Variants in OPRD1 observed in about 807,000 individuals in gnomAD.
OPRD1 encodes delta-type opioid receptor.
OPRD1 carries 19 observed loss-of-function variants against 17.5 expected under a neutral mutation model. The observed-to-expected ratio is 1.09, with a 90% CI of 0.76 to 1.60. OPRD1 has a LOEUF of 1.60. Ranked by LOEUF, OPRD1 falls within the 40% of genes most tolerant of loss-of-function variation. The pLI, the probability that OPRD1 is intolerant of heterozygous loss-of-function variation, is 0.00. For missense variants in OPRD1, 483 were observed against 547.2 expected (o/e 0.88, Z 1.17); for synonymous variants, 256 against 240.9 (o/e 1.06, Z -0.58).
intron 1 of OPRD1, among the ~76,000 whole-genome samples, chr1:28,831,923 G>C (rs1485885392): frequency 6.6e-6 from 1 of 152,182 alleles, no homozygotes. Flanking sequence ...ATTTAATTCA[G>C]CCAGCTCTAT....
At position 28,812,598 on chromosome 1, in the gene OPRD1, T is replaced by C. The variant is rs1234669122; in HGVS notation, c.215T>C (p.Phe72Ser). ...VGLLGNVLVM[F>S]GIVRYTKMKT... ...CTGCTGGGCAACGTGCTTGTCATGT[T>C]CGGCATCGTCCGGTGAGTCCGCTGC... The change falls in exon 1 of 3, where the codon TTC becomes TCC. Residue 72 changes from phenylalanine (F) to serine (S), a missense_variant. Physicochemically the swap from Phe to Ser is radical, Grantham distance 155 (BLOSUM62 -2). Coordinates refer to ENST00000234961, the MANE Select transcript of OPRD1 (RefSeq NM_000911.4). 1 of 1,541,736 alleles carries C rather than the reference T, an allele frequency of 6.5e-7. No individual in the cohort carries two copies. The highest frequency in any genetic ancestry group is 1.2e-5 in the South Asian group (1 of 85,248).
At chr1:28,854,942 G>A (rs1254794122) in intron 1 of OPRD1, among the ~76,000 whole-genome samples, 3 of 152,174 alleles carry the variant, frequency 2.0e-5, no homozygotes, top group East Asian at 1.9e-4. Flanking sequence ...GAGCCACTGC[G>A]CCTGGCTGAG....
In OPRD1 at chr1:28,866,775, T is replaced by A. The variant is rs1447525527; in HGVS notation, c.*3492T>A. On this transcript the variant is annotated 3_prime_UTR_variant, in exon 3 of 3. Transcript: ENST00000234961. ...CGAGCAATTTTCCATGAACTTTTGT[T>A]CCTCCTGAAGCTCTCCAAATCTTCA... 1.3e-5 allele frequency: 2 copies of A among 152,200 alleles called. No individual in the cohort carries two copies. The highest frequency in any genetic ancestry group is 1.5e-5 in the Non-Finnish European group (1 of 68,044). 9.4% of individuals were successfully genotyped at this position (152,200 alleles called of 1,614,324 possible).
intron 1 of OPRD1, among the ~76,000 whole-genome samples, chr1:28,840,533 T>C (rs1258996752): frequency 6.6e-6 from 1 of 152,150 alleles, no homozygotes; most frequent in Non-Finnish European, 1.5e-5. Flanking sequence ...GACTCTCTGC[T>C]CAGCCTATTT....
At chr1:28,833,960 G>A (rs1329249886) in intron 1 of OPRD1, among the ~76,000 whole-genome samples, 2 of 152,198 alleles carry the variant, frequency 1.3e-5, no homozygotes, top group East Asian at 3.8e-4. Flanking sequence ...TGCCCAGGCT[G>A]GAGCGCAGTG....
intron 1 of OPRD1, among the ~76,000 whole-genome samples, chr1:28,833,050 A>T (rs1168214683): frequency 6.6e-6 from 1 of 152,248 alleles, no homozygotes; most frequent in Non-Finnish European, 1.5e-5. Flanking sequence ...AACTGTGGAA[A>T]AAATGAGCCT....
intron 1 of OPRD1, among the ~76,000 whole-genome samples, chr1:28,848,827 T>C (rs1425784776): frequency 6.6e-6 from 1 of 152,120 alleles, no homozygotes; most frequent in Non-Finnish European, 1.5e-5. Flanking sequence ...TTACCTTCTC[T>C]AAGAGATGTC....
chr1:28,816,942 C>A (rs2088675953), intron 1 of OPRD1, among the ~76,000 whole-genome samples: 1 of 152,132 alleles, frequency 6.6e-6, no homozygotes, highest in African/African-American at 2.4e-5. Flanking sequence ...GACCCAGAAC[C>A]TGGGCAAGAG....
At chr1:28,817,956 G>C (rs1203868796) in intron 1 of OPRD1, among the ~76,000 whole-genome samples, 1 of 151,998 alleles carries the variant, frequency 6.6e-6, no homozygotes, top group Non-Finnish European at 1.5e-5. Context: ...CTGACCTCAA[G>C]TGATCCGCCA....
chr1:28,844,407 C>T (rs552348179), intron 1 of OPRD1, among the ~76,000 whole-genome samples: 1 of 152,082 alleles, frequency 6.6e-6, no homozygotes, highest in Non-Finnish European at 1.5e-5. Context: ...TCTCCCACCT[C>T]GGCCCTCCAA....
At chr1:28,849,941 G>A (rs1015523108) in intron 1 of OPRD1, among the ~76,000 whole-genome samples, 3 of 147,726 alleles carry the variant, frequency 2.0e-5, no homozygotes, top group Non-Finnish European at 3.0e-5. Flanking sequence ...GTGCAGTGGC[G>A]CGATCTCGGC....
intron 1 of OPRD1, among the ~76,000 whole-genome samples, chr1:28,838,690 T>A (rs1336953387): frequency 6.6e-6 from 1 of 151,926 alleles, no homozygotes; most frequent in African/African-American, 2.4e-5. Flanking sequence ...CCAGGCAGAG[T>A]GCTAGGAACA....
At chr1:28,859,663 T>G (rs1170172609) in intron 2 of OPRD1, among the ~76,000 whole-genome samples, 1 of 152,104 alleles carries the variant, frequency 6.6e-6, no homozygotes, top group Non-Finnish European at 1.5e-5. Context: ...TGTGGATGTA[T>G]AGAGAGATGG....
rs1484275548 is a variant in OPRD1 at position 28,866,059 on chromosome 1, G to A, written c.*2776G>A. 1 of 152,230 alleles carries A rather than the reference G, an allele frequency of 6.6e-6. No homozygotes were observed. The highest frequency in any genetic ancestry group is 1.5e-5 in the Non-Finnish European group (1 of 68,048). 9.4% of individuals were successfully genotyped at this position (152,230 alleles called of 1,614,324 possible). A position where few individuals can be genotyped will look rare whatever the true frequency, so the allele number is the denominator to read the frequency against. On this transcript the variant is annotated 3_prime_UTR_variant, in exon 3 of 3. Transcript: ENST00000234961. Reference sequence around the variant, plus strand: ...CCGGACCACGTGTGTTTAAGGTAGTGCAAACTTGTATTGAAATCTACTTCA... The same window carrying A: ...CCGGACCACGTGTGTTTAAGGTAGTACAAACTTGTATTGAAATCTACTTCA...
chr1:28,822,195 C>T (rs778304896), intron 1 of OPRD1, among the ~76,000 whole-genome samples: 24 of 151,966 alleles, frequency 1.6e-4, no homozygotes, highest in Admixed American at 1.6e-3. Context: ...GTGATCCGCC[C>T]GACTCGTCCT....
At chr1:28,846,846 T>TTTCTTTTCTTTC (rs769212543) in intron 1 of OPRD1, among the ~76,000 whole-genome samples, 149 of 76,922 alleles carry the variant, frequency 1.9e-3, no homozygotes, top group East Asian at 6.8e-3. Context: ...TCTTTCTTTC[T>TTTCTTTTCTTTC]TTTCTTTCTT....
rs538123038 is a variant in OPRD1 at position 28,846,163 on chromosome 1, A to G, written c.228-12791A>G. Among the ~76,000 whole-genome samples the G allele has an allele frequency of 1.3e-4, 20 of 152,290 alleles. No individual in the cohort carries two copies. In the East Asian group the frequency reaches 3.9e-3, roughly 29 times the overall value. On this transcript the variant is annotated intron_variant, in intron 1 of 2. Transcript: ENST00000234961. The stretch of plus-strand genomic sequence containing the variant: ...GCAGCCCATCAGGCTCTTTCCTGCT[A>G]CAGGGACTTTGTACATGCTGTTCCT...
chr1:28,832,458 A>G (rs1225138448), intron 1 of OPRD1, among the ~76,000 whole-genome samples: 1 of 151,968 alleles, frequency 6.6e-6, no homozygotes, highest in East Asian at 1.9e-4. Context: ...TTTCTACAAG[A>G]AATACAAAAT....
intron 1 of OPRD1, among the ~76,000 whole-genome samples, chr1:28,840,452 G>A (rs998961081): frequency 2.0e-5 from 3 of 152,102 alleles, no homozygotes; most frequent in African/African-American, 7.2e-5. Flanking sequence ...AGTACTTTGG[G>A]TCCACAGGAG....
Sources: gnomAD v4.1 joint callset for allele counts (sites outside exome capture counted in the v4.1 genomes callset) on GRCh38, gnomAD v4.1.1 for gene constraint, MANE v1.5 for transcripts, NCBI Gene and HGNC (gene_info 2026-07-23, HGNC 2026-07-21) for gene names.